Variants in SDCBP observed in about 807,000 individuals in gnomAD.
SDCBP encodes the protein syndecan binding protein, also known as syntenin-1.
A neutral mutation model predicts 30.5 loss-of-function variants in SDCBP; 22 were observed. The observed-to-expected ratio is 0.72, with a 90% confidence interval of 0.52 to 1.03. The LOEUF is 1.03. SDCBP is among the 50% of genes least tolerant of loss of function. The pLI is 0.00. For synonymous variants in SDCBP, 103 were observed against 118.7 expected, an observed-to-expected ratio of 0.87 and a Z score of 0.86; for missense variants, 304 against 369.9, an observed-to-expected ratio of 0.82 and a Z score of 1.46.
intron 7 of SDCBP, among the ~76,000 whole-genome samples, chr8:58,580,300 G>A (rs998159858): frequency 1.3e-5 from 2 of 152,064 alleles, no homozygotes; most frequent in South Asian, 2.1e-4. Context: ...ATTCAGAAAG[G>A]AAAAGTTTTT....
intron 1 of SDCBP, chr8:58,561,032 G>A (rs1173931246): frequency 1.3e-5 from 2 of 152,132 alleles, no homozygotes; most frequent in African/African-American, 2.4e-5. Context: ...GATTGAAAAC[G>A]TAAAAAGGAA....
chr8:58,572,157 T>C (rs756042733), intron 3 of SDCBP, 48 bp from the exon 4 acceptor site: 1 of 1,117,684 alleles, frequency 8.9e-7, no homozygotes, highest in Non-Finnish European at 1.3e-6. Context: ...GAAGTTTTCA[T>C]TTTGTGTATT....
At chr8:58,565,864 T>G (rs10111052) in intron 2 of SDCBP, among the ~76,000 whole-genome samples, 49,232 of 151,946 alleles carry the variant, frequency 0.32, 8,181 homozygotes, top group East Asian at 0.55. Context: ...CGTTGTTTAT[T>G]GTTTTAATTT....
chr8:58,572,858 G>A (rs1052171965), intron 4 of SDCBP, among the ~76,000 whole-genome samples: 3 of 142,824 alleles, frequency 2.1e-5, no homozygotes, highest in Non-Finnish European at 3.0e-5. Flanking sequence ...CCAGGCTGGA[G>A]TGCAATGGCG....
chr8:58,575,393 G>A (rs1428141626), intron 4 of SDCBP, among the ~76,000 whole-genome samples: 1 of 152,140 alleles, frequency 6.6e-6, no homozygotes, highest in Admixed American at 6.5e-5. Flanking sequence ...ATCCATAGAT[G>A]GTTACTAGAG....
chr8:58,570,966 G>A lies in SDCBP; in HGVS notation c.130+1G>A. The stretch of plus-strand genomic sequence containing the variant: ...TCTGCTCCTATCCCTCACGATGGAA[G>A]TAGGTTTATACTTTGAGTTCATTCT... On this transcript the variant is annotated splice_donor_variant, in intron 3 of 8. Transcript: ENST00000260130. LOFTEE classifies it high-confidence loss of function. The A allele has an allele frequency of 6.2e-7, 1 of 1,601,578 alleles. No individual in the cohort carries two copies. Among genetic ancestry groups the A allele is most frequent in the South Asian group, 1.1e-5 (1 of 90,714 alleles).
intron 1 of SDCBP, among the ~76,000 whole-genome samples, chr8:58,553,833 C>G (rs149561242): frequency 1.5e-3 from 234 of 152,274 alleles, no homozygotes; most frequent in South Asian, 2.9e-3. Flanking sequence ...GTTTATTGGG[C>G]GAAGCCTTGA....
At chr8:58,568,174 A>T (rs1804807164) in intron 2 of SDCBP, among the ~76,000 whole-genome samples, 1 of 152,208 alleles carries the variant, frequency 6.6e-6, no homozygotes, top group Non-Finnish European at 1.5e-5. Context: ...AACATTGTAC[A>T]GCTGTATAAA....
At chr8:58,558,209 T>A (rs1043503696) in intron 1 of SDCBP, among the ~76,000 whole-genome samples, 2 of 152,230 alleles carry the variant, frequency 1.3e-5, no homozygotes, top group Non-Finnish European at 2.9e-5. Flanking sequence ...CAATAAGTGT[T>A]TAAAGATATC....
intron 2 of SDCBP, among the ~76,000 whole-genome samples, chr8:58,569,566 G>A (rs1037735207): frequency 6.6e-6 from 1 of 152,110 alleles, no homozygotes; most frequent in Non-Finnish European, 1.5e-5. Context: ...CATAAAGTAT[G>A]TAGCCTTTTG....
At chr8:58,574,090 G>A (rs1293878505) in intron 4 of SDCBP, among the ~76,000 whole-genome samples, 2 of 152,064 alleles carry the variant, frequency 1.3e-5, no homozygotes, top group Admixed American at 1.3e-4. Flanking sequence ...ACTCAGGGGT[G>A]TACAAAATGA....
intron 2 of SDCBP, 25 bp from the exon 3 acceptor site, chr8:58,570,862 A>G: frequency 6.4e-7 from 1 of 1,554,170 alleles, no homozygotes; most frequent in Non-Finnish European, 8.9e-7. Context: ...GCATATTGTT[A>G]GAATTTTCTT....
intron 2 of SDCBP, among the ~76,000 whole-genome samples, chr8:58,565,899 C>T (rs527429215): frequency 6.6e-6 from 1 of 152,188 alleles, no homozygotes; most frequent in East Asian, 1.9e-4. Context: ...AAACTCCTTA[C>T]CCTGAAGATC....
Position 58,582,097 on chromosome 8 carries a change from G to T in SDCBP, c.*357G>T. 4.6e-6 allele frequency: 1 copy of T among 216,406 alleles called. No homozygotes were observed. The allele number at this position is 216,406 out of a possible 1,614,324, so 13.4% of individuals were successfully genotyped here. On this transcript the variant is annotated 3_prime_UTR_variant, in exon 9 of 9. Coordinates refer to ENST00000260130, the MANE Select transcript of SDCBP (RefSeq NM_005625.4). Reference sequence around the variant, plus strand: ...TCACCTTTCTCCTAGGTAATGAGTAGTGCTGTTCATATTACTTTAGTTCTA... The same window carrying T: ...TCACCTTTCTCCTAGGTAATGAGTATTGCTGTTCATATTACTTTAGTTCTA...
chr8:58,564,985 C>G, intron 1 of SDCBP, 34 bp from the exon 2 acceptor site: 3 of 1,204,164 alleles, frequency 2.5e-6, no homozygotes, highest in Non-Finnish European at 3.7e-6. Flanking sequence ...ATTTCTATGA[C>G]ATTAGAGTAA....
At chr8:58,557,427 TTATA>T (rs1282259884) in intron 1 of SDCBP, among the ~76,000 whole-genome samples, 4 of 142,336 alleles carry the variant, frequency 2.8e-5, no homozygotes, top group Non-Finnish European at 1.5e-5. Flanking sequence ...ATAATATATA[TTATA>T]TATAATACAT....
At chr8:58,576,882 G>A (rs1805365807) in intron 5 of SDCBP, among the ~76,000 whole-genome samples, 1 of 152,228 alleles carries the variant, frequency 6.6e-6, no homozygotes, top group Non-Finnish European at 1.5e-5. Flanking sequence ...AAATGGAGGA[G>A]GCTGATCTTG....
chr8:58,579,585 T>C, intron 6 of SDCBP, 38 bp from the exon 7 acceptor site: 1 of 1,431,744 alleles, frequency 7.0e-7, no homozygotes, highest in Non-Finnish European at 9.3e-7. Flanking sequence ...ATGTTTAGCT[T>C]AGAATTAAGT....
At chr8:58,578,328 C>A (rs1805466531) in intron 6 of SDCBP, 120 bp downstream of exon 6, 3 of 675,958 alleles carry the variant, frequency 4.4e-6, no homozygotes, top group Admixed American at 3.6e-5. Flanking sequence ...TATTGATGAG[C>A]CTTATAGTCT....
Sources: allele counts gnomAD v4.1 joint callset (sites outside exome capture counted in the v4.1 genomes callset), GRCh38; gene constraint gnomAD v4.1.1; transcripts MANE v1.5; gene names NCBI Gene and HGNC (gene_info 2026-07-23, HGNC 2026-07-21).